MEI4: variants seen among roughly 807,000 people sequenced by gnomAD.
MEI4 encodes meiosis-specific protein MEI4.
In MEI4, 27 loss-of-function variants were observed where a neutral mutation model predicts 31.4. The observed-to-expected ratio is 0.86, with a 90% CI of 0.63 to 1.19. The LOEUF (loss-of-function observed/expected upper bound fraction) is 1.19. Among genes scored for constraint, MEI4 ranks in the 50% most tolerant of loss-of-function variants. MEI4 has a pLI of 0.00. For missense variants in MEI4, 329 were observed against 398.9 expected, an observed-to-expected ratio of 0.82 and a Z score of 1.49; for synonymous variants, 122 against 145.4, an observed-to-expected ratio of 0.84 and a Z score of 1.16.
chr6:77,914,054 G>A (rs9448252), intron 4 of MEI4, among the ~76,000 whole-genome samples: 53,953 of 143,008 alleles, frequency 0.38, 10,592 homozygotes, highest in African/African-American at 0.51. Context: ...AAAAACTTTC[G>A]TTGATGTTTT....
rs535429735 is a variant in MEI4, at chr6:77,844,479, G to A, written c.900+15417G>A. 2.6e-4 allele frequency among the ~76,000 whole-genome samples: 39 copies of A among 152,170 alleles called. No individual in the cohort carries two copies. The Middle Eastern group carries it at 0.017, about 66-fold the overall frequency. On this transcript the variant is annotated intron_variant, in intron 4 of 4. Transcript: ENST00000684080. ...TTCAACAATGTTCTGAAGATCTAGAGCAATCTCTCAGTGAACTGCAAATAT... is the reference window on the plus strand; with the variant it reads ...TTCAACAATGTTCTGAAGATCTAGAACAATCTCTCAGTGAACTGCAAATAT...
At chr6:77,845,162 C>T (rs1476247949) in intron 4 of MEI4, among the ~76,000 whole-genome samples, 2 of 152,090 alleles carry the variant, frequency 1.3e-5, no homozygotes, top group African/African-American at 4.8e-5. Flanking sequence ...CAGCTTTTGT[C>T]TTCTACCTTG....
chr6:77,732,617 A>C (rs1380187763), intron 2 of MEI4, among the ~76,000 whole-genome samples: 3 of 151,806 alleles, frequency 2.0e-5, no homozygotes, highest in Non-Finnish European at 4.4e-5. Context: ...AATACCCTTT[A>C]TTTCCTTCTC....
At position 77,788,566 on chromosome 6, in the gene MEI4, A is replaced by G. The variant is rs186980478; in HGVS notation, c.768+26901A>G. On this transcript the variant is annotated intron_variant, in intron 3 of 4. Coordinates refer to ENST00000684080, the MANE Select transcript of MEI4 (RefSeq NM_001322247.2). ...CAACTTCAGCAAAGTCTCAGGATAC[A>G]AAATCAATGTGCAAAAATCACAAGC... is the stretch of plus-strand genomic sequence containing the variant. Among the ~76,000 whole-genome samples the G allele has an allele frequency of 8.9e-3, 1,359 of 152,256 alleles. 17 individuals carry two copies. The highest frequency in any genetic ancestry group is 0.03 in the African/African-American group (1,259 of 41,522).
At chr6:77,821,460 T>C (rs952270733) in intron 3 of MEI4, among the ~76,000 whole-genome samples, 1 of 152,068 alleles carries the variant, frequency 6.6e-6, no homozygotes, top group East Asian at 1.9e-4. Flanking sequence ...GCAGACCCAA[T>C]GTAGATATGG....
At chr6:77,704,412 G>A (rs185523974) in intron 2 of MEI4, among the ~76,000 whole-genome samples, 3 of 152,224 alleles carry the variant, frequency 2.0e-5, no homozygotes, top group South Asian at 2.1e-4. Flanking sequence ...AAGGAAATGA[G>A]GAAAATAAGT....
intron 2 of MEI4, among the ~76,000 whole-genome samples, chr6:77,714,686 C>G (rs868363887): frequency 6.6e-6 from 1 of 152,112 alleles, no homozygotes; most frequent in South Asian, 2.1e-4. Context: ...TCTTTTCAGC[C>G]CCATATCCCT....
rs1173407419 is a variant in MEI4 at position 77,743,060 on chromosome 6, C to A, written c.233-18070C>A. Among the ~76,000 whole-genome samples, 9 of 152,208 alleles carry A rather than the reference C, an allele frequency of 5.9e-5. No individual in the cohort carries two copies. The South Asian group carries it at 1.9e-3, about 32-fold the overall frequency. On this transcript the variant is annotated intron_variant, in intron 2 of 4. Transcript: ENST00000684080. The stretch of plus-strand genomic sequence containing the variant: ...AGTTTGAAGTCAGGTAGCGTGATGC[C>A]TCCAGCTTTGTTCTTTTGGCTTAGG...
intron 4 of MEI4, among the ~76,000 whole-genome samples, chr6:77,832,325 TA>T (rs1770102867): frequency 6.6e-6 from 1 of 152,016 alleles, no homozygotes; most frequent in Non-Finnish European, 1.5e-5. Context: ...AAGTAGTCAC[TA>T]ATTCAGAAAA....
intron 2 of MEI4, among the ~76,000 whole-genome samples, chr6:77,754,668 C>G (rs1041448714): frequency 6.6e-6 from 1 of 152,176 alleles, no homozygotes; most frequent in Non-Finnish European, 1.5e-5. Flanking sequence ...AGAACTTCCC[C>G]AAACTGGGTA....
intron 3 of MEI4, among the ~76,000 whole-genome samples, chr6:77,772,338 A>C (rs527960044): frequency 1.3e-5 from 2 of 152,044 alleles, no homozygotes; most frequent in South Asian, 4.1e-4. Flanking sequence ...TAGCAAACCA[A>C]ATTCCACAAC....
chr6:77,697,419 C>T (rs1487887389), intron 2 of MEI4, among the ~76,000 whole-genome samples: 2 of 152,032 alleles, frequency 1.3e-5, no homozygotes, highest in African/African-American at 4.8e-5. Context: ...TATAAATTTC[C>T]CTCTACACAC....
chr6:77,827,070 A>G (rs1769969924), intron 3 of MEI4, among the ~76,000 whole-genome samples: 1 of 152,024 alleles, frequency 6.6e-6, no homozygotes, highest in South Asian at 2.1e-4. Context: ...GATTAAAAGA[A>G]CCTACATAGG....
chr6:77,810,953 A>G (rs1016556529), intron 3 of MEI4, among the ~76,000 whole-genome samples: 17 of 152,122 alleles, frequency 1.1e-4, no homozygotes, highest in African/African-American at 3.6e-4. Context: ...AAATCTATCT[A>G]CCTTAAATCA....
At chr6:77,828,251 CCAGGCCATGGACCAGTA>C (rs1467851015) in intron 3 of MEI4, among the ~76,000 whole-genome samples, 1 of 151,092 alleles carries the variant, frequency 6.6e-6, no homozygotes, top group East Asian at 2.0e-4. Context: ...TCCCTAGCCA[CCAGGCCATGGACCAGTA>C]CTGGTCCATG....
At chr6:77,800,726 CT>C (rs1270785975) in intron 3 of MEI4, among the ~76,000 whole-genome samples, 2 of 152,060 alleles carry the variant, frequency 1.3e-5, no homozygotes, top group African/African-American at 4.8e-5. Flanking sequence ...TGTCAAAGGC[CT>C]TTTCTGCATC....
chr6:77,767,418 G>T (rs1462828020), intron 3 of MEI4, among the ~76,000 whole-genome samples: 1 of 151,838 alleles, frequency 6.6e-6, no homozygotes, highest in Non-Finnish European at 1.5e-5. Context: ...AAATAAGTCA[G>T]GCATGGTGGC....
At chr6:77,736,801 A>G (rs965586330) in intron 2 of MEI4, among the ~76,000 whole-genome samples, 4 of 152,114 alleles carry the variant, frequency 2.6e-5, no homozygotes, top group Admixed American at 2.6e-4. Flanking sequence ...TGTAGTCCAG[A>G]GAAAGATACT....
chr6:77,735,253 C>T (rs9352519), intron 2 of MEI4, among the ~76,000 whole-genome samples: 20,775 of 151,652 alleles, frequency 0.14, 1,515 homozygotes, highest in Middle Eastern at 0.21. Flanking sequence ...CCATTCTCCC[C>T]GTCACTTTCA....
Sources: allele counts gnomAD v4.1 joint callset (sites outside exome capture counted in the v4.1 genomes callset), GRCh38; gene constraint gnomAD v4.1.1; transcripts MANE v1.5; gene names NCBI Gene and HGNC (gene_info 2026-07-23, HGNC 2026-07-21).